The following TBP variants were observed in gnomAD, a reference collection of about 807,000 sequenced individuals.
TBP encodes the protein TATA-box binding protein.
Under a neutral mutation model 46.2 loss-of-function variants are expected in TBP, and 12 were observed. That is an observed-to-expected ratio of 0.26 (90% CI 0.17 to 0.42). The LOEUF is 0.42. Among genes scored for constraint, TBP ranks in the 10% least tolerant of loss-of-function variants. The pLI is 1.00. For missense variants in TBP, 229 were observed against 403.1 expected, an observed-to-expected ratio of 0.57 and a Z score of 3.70; for synonymous variants, 157 against 148.3, an observed-to-expected ratio of 1.06 and a Z score of -0.42.
Position 170,572,423 on chromosome 6 carries a change from G to A in TBP, c.*158G>A, listed in dbSNP as rs1246507283. ...ATGCCCTTCTGTAAGTGCCCACCGC[G>A]GGATGCCGGGAAGGGGCATTATTTG... On this transcript the variant is annotated 3_prime_UTR_variant, in exon 8 of 8. Coordinates refer to ENST00000392092, the MANE Select transcript of TBP (RefSeq NM_003194.5). The A allele has an allele frequency of 2.5e-5, 16 of 640,494 alleles. No individual in the cohort carries two copies. Among genetic ancestry groups the A allele is most frequent in the Admixed American group, 1.4e-4 (5 of 35,150 alleles). The allele number at this position is 640,494 out of a possible 1,614,324, so 39.7% of individuals were successfully genotyped here.
chr6:170,569,842 C>A, intron 6 of TBP, 63 bp downstream of exon 6: 1 of 1,449,348 alleles, frequency 6.9e-7, no homozygotes, highest in South Asian at 1.3e-5. Flanking sequence ...AAACATTGTT[C>A]AGAATAAAAC....
chr6:170,560,535 A>G (rs898737969), intron 2 of TBP, among the ~76,000 whole-genome samples: 1 of 152,222 alleles, frequency 6.6e-6, no homozygotes, highest in Non-Finnish European at 1.5e-5. Flanking sequence ...ATCTGGGCAA[A>G]GTGAATTGAA....
rs750580709 is a variant in TBP, at chr6:170,564,599, A to G, written c.552A>G (p.Ala184=). Residue 184 remains alanine (A), a synonymous_variant, in exon 4 of 8, where the codon GCA becomes GCG. Transcript: ENST00000392092. The part of the protein sequence containing the change: ...LGCKLDLKTI[A]LRARNAEYNP... ...GTAAACTTGACCTAAAGACCATTGC[A>G]CTTCGTGCCCGAAACGCCGAATATA... The G allele has an allele frequency of 9.3e-6, 15 of 1,611,080 alleles. No homozygotes were observed. The Admixed American group carries it at 2.3e-4, about 25-fold the overall frequency.
chr6:170,571,415 A>G lies in TBP; in HGVS notation c.851A>G (p.Glu284Gly). ...VLTHQQFSSYEPELFPGLIYR... is the reference protein window; with the variant it reads ...VLTHQQFSSYGPELFPGLIYR... ...TTTTGCAATTTTCCTTCTAGTTATG[A>G]GCCAGAGTTATTTCCTGGTTTAATC... is the stretch of plus-strand genomic sequence containing the variant. Residue 284 changes from glutamate (E) to glycine (G), a missense_variant, in exon 7 of 8, where the codon GAG becomes GGG. Around this residue, in one of 4 missense-constraint regions of TBP, gnomAD observed 67 missense variants for 188.2 expected, o/e 0.36. Transcript: ENST00000392092. The G allele has an allele frequency of 6.2e-7, 1 of 1,612,660 alleles. No homozygotes were observed. The highest frequency in any genetic ancestry group is 8.5e-7 in the Non-Finnish European group (1 of 1,179,452).
In TBP at chr6:170,566,910, C is replaced by G. The variant is rs753900483; in HGVS notation, c.586-8C>G. ...GACCTCACTAATGATTCTCTCTGAC[C>G]ATTGTAGCGGTTTGCTGCGGTAATC... On this transcript the variant is annotated splice_region_variant and splice_polypyrimidine_tract_variant and intron_variant, in intron 4 of 7. Coordinates refer to ENST00000392092, the MANE Select transcript of TBP (RefSeq NM_003194.5). 5.0e-6 allele frequency: 8 copies of G among 1,611,546 alleles called. No individual in the cohort carries two copies. The East Asian group carries it at 8.9e-5, about 18-fold the overall frequency.
At chr6:170,568,712 CA>C (rs1387561449) in intron 5 of TBP, among the ~76,000 whole-genome samples, 2 of 151,716 alleles carry the variant, frequency 1.3e-5, no homozygotes, top group African/African-American at 4.8e-5. Context: ...CTCAGCCTCC[CA>C]AAGTGTTGGG....
At chr6:170,558,106 C>T (rs191379930) in intron 2 of TBP, among the ~76,000 whole-genome samples, 1 of 152,342 alleles carries the variant, frequency 6.6e-6, no homozygotes, top group African/African-American at 2.4e-5. Flanking sequence ...ATCCATTCTC[C>T]AGTTGCTCAC....
At position 170,569,608 on chromosome 6, in the gene TBP, C is replaced by T. The variant is rs1158196686; in HGVS notation, c.678-4C>T. Reference sequence around the variant, plus strand: ...TGAATAACTCACTTTTTTCCTTTCCCTAGTGAAGAACAGTCCAGACTGGCA... The same window carrying T: ...TGAATAACTCACTTTTTTCCTTTCCTTAGTGAAGAACAGTCCAGACTGGCA... On this transcript the variant is annotated splice_region_variant and splice_polypyrimidine_tract_variant and intron_variant, in intron 5 of 7. Transcript: ENST00000392092. The T allele has an allele frequency of 5.6e-6, 9 of 1,607,310 alleles. No homozygotes were observed. Among genetic ancestry groups the T allele is most frequent in the Admixed American group, 3.4e-5 (2 of 58,440 alleles).
chr6:170,556,916 G>A lies in TBP; in HGVS notation c.-114G>A. ...TTCTTGGCGTGTGAAGATAACCCAA[G>A]GAATTGAGGAAGTTGCTGAGAAGAG... On this transcript the variant is annotated 5_prime_UTR_variant, in exon 2 of 8. Coordinates refer to ENST00000392092, the MANE Select transcript of TBP (RefSeq NM_003194.5). 2.1e-6 allele frequency: 2 copies of A among 941,172 alleles called. No individual in the cohort carries two copies. Among genetic ancestry groups the A allele is most frequent in the Non-Finnish European group, 3.4e-6 (2 of 595,362 alleles). The allele number at this position is 941,172 out of a possible 1,614,324, so 58.3% of individuals were successfully genotyped here.
Position 170,569,623 on chromosome 6 carries a change from C to G in TBP, c.689C>G (p.Ser230Cys), listed in dbSNP as rs747363929. Residue 230 changes from serine (S) to cysteine (C), a missense_variant, in exon 6 of 8, where the codon TCC becomes TGC. Transcript: ENST00000392092. ...TTTCCTTTCCCTAGTGAAGAACAGTCCAGACTGGCAGCAAGAAAATATGCT... is the reference window on the plus strand; with the variant it reads ...TTTCCTTTCCCTAGTGAAGAACAGTGCAGACTGGCAGCAAGAAAATATGCT... ...VCTGAKSEEQ[S>C]RLAARKYARV... 2 of 1,613,868 alleles carry G rather than the reference C, an allele frequency of 1.2e-6. No individual in the cohort carries two copies. The highest frequency in any genetic ancestry group is 1.7e-6 in the Non-Finnish European group (2 of 1,179,872).
chr6:170,558,743 G>A (rs1470762928), intron 2 of TBP, among the ~76,000 whole-genome samples: 1 of 149,710 alleles, frequency 6.7e-6, no homozygotes, highest in African/African-American at 2.5e-5. Flanking sequence ...GCCCAGGCTG[G>A]AGTGCAGTGG....
chr6:170,566,832 G>A, intron 4 of TBP, 86 bp from the exon 5 acceptor site: 1 of 1,079,638 alleles, frequency 9.3e-7, no homozygotes, highest in Non-Finnish European at 1.4e-6. Flanking sequence ...CCTACCAGTT[G>A]TGATTTTTTT....
chr6:170,561,042 C>T (rs1372897715), intron 2 of TBP, among the ~76,000 whole-genome samples: 1 of 152,166 alleles, frequency 6.6e-6, no homozygotes, highest in Admixed American at 6.5e-5. Context: ...TGGCAAACTT[C>T]GTCAGTCTTA....
intron 3 of TBP, 62 bp from the exon 4 acceptor site, chr6:170,564,483 G>T (rs11962869): frequency 1.7e-6 from 2 of 1,169,452 alleles, no homozygotes; most frequent in Non-Finnish European, 2.5e-6. Context: ...AATTTCTAAC[G>T]CCTCATCCAA....
At chr6:170,558,612 A>G (rs1779077704) in intron 2 of TBP, among the ~76,000 whole-genome samples, 1 of 151,798 alleles carries the variant, frequency 6.6e-6, no homozygotes, top group African/African-American at 2.4e-5. Context: ...TCTTGGGGTT[A>G]GATTTTGGTA....
intron 6 of TBP, among the ~76,000 whole-genome samples, 193 bp from the exon 7 acceptor site, chr6:170,571,217 T>C (rs932660898): frequency 3.3e-5 from 5 of 152,322 alleles, no homozygotes; most frequent in Middle Eastern, 3.4e-3. Context: ...CATCCAGTGG[T>C]TATCAACTGA....
chr6:170,567,052 T>C, intron 5 of TBP, 43 bp downstream of exon 5: 1 of 1,533,524 alleles, frequency 6.5e-7, no homozygotes, highest in Non-Finnish European at 9.0e-7. Context: ...GGGTTATGAA[T>C]GAAAAGGTGA....
chr6:170,571,211 C>G (rs1779360402), intron 6 of TBP, among the ~76,000 whole-genome samples, 199 bp from the exon 7 acceptor site: 1 of 152,162 alleles, frequency 6.6e-6, no homozygotes, highest in South Asian at 2.1e-4. Flanking sequence ...GCCTTCCATC[C>G]AGTGGTTATC....
intron 2 of TBP, among the ~76,000 whole-genome samples, chr6:170,558,584 G>C (rs897502687): frequency 6.6e-6 from 1 of 152,084 alleles, no homozygotes; most frequent in Non-Finnish European, 1.5e-5. Context: ...TTTTCCAAAA[G>C]TGTGTACTCA....
Sources: gnomAD v4.1 joint callset for allele counts (sites outside exome capture counted in the v4.1 genomes callset) on GRCh38, gnomAD v4.1.1 for gene constraint, gnomAD v4.1.1 regional missense constraint, MANE v1.5 for transcripts, NCBI Gene and HGNC (gene_info 2026-07-23, HGNC 2026-07-21) for gene names.